KCNMA1: variants seen among roughly 807,000 people sequenced by gnomAD.
KCNMA1 encodes Calcium-activated potassium channel subunit alpha-1.
KCNMA1 carries 29 observed loss-of-function variants against 140.0 expected under a neutral mutation model. That is an observed-to-expected ratio of 0.21 (90% confidence interval 0.15 to 0.28). The LOEUF is 0.28. KCNMA1 is among the 10% of genes least tolerant of loss of function. The pLI, the probability that KCNMA1 is intolerant of heterozygous loss-of-function variation, is 1.00. For synonymous variants in KCNMA1, 612 were observed against 611.9 expected, an observed-to-expected ratio of 1.00 and a Z score of 0.00; for missense variants, 880 against 1,602.2, an observed-to-expected ratio of 0.55 and a Z score of 7.70.
chr10:77,217,763 AC>A (rs1695325146), intron 3 of KCNMA1, among the ~76,000 whole-genome samples: 1 of 152,150 alleles, frequency 6.6e-6, no homozygotes, highest in Non-Finnish European at 1.5e-5. Context: ...TGTGATGGAA[AC>A]TTTTGTAATC....
chr10:77,027,982 G>A, intron 15 of KCNMA1, 91 bp from the exon 16 acceptor site: 2 of 1,158,948 alleles, frequency 1.7e-6, no homozygotes, highest in Non-Finnish European at 2.6e-6. Context: ...GTCTCCTAAT[G>A]CAGTCATTAC....
At chr10:77,546,587 TC>T (rs1415933773) in intron 1 of KCNMA1, among the ~76,000 whole-genome samples, 1 of 152,212 alleles carries the variant, frequency 6.6e-6, no homozygotes, top group Non-Finnish European at 1.5e-5. Flanking sequence ...TCCCCAATAT[TC>T]CCAGACATGT....
chr10:77,207,994 A>G (rs974372083), intron 3 of KCNMA1, among the ~76,000 whole-genome samples: 2 of 152,206 alleles, frequency 1.3e-5, no homozygotes, highest in African/African-American at 4.8e-5. Flanking sequence ...GCTTTGTGTA[A>G]ACTGGCCGCA....
At chr10:77,201,744 C>T (rs1404952952) in intron 3 of KCNMA1, among the ~76,000 whole-genome samples, 2 of 151,806 alleles carry the variant, frequency 1.3e-5, no homozygotes, top group Non-Finnish European at 2.9e-5. Flanking sequence ...TTTCATTGTG[C>T]TGATGGAAGA....
At chr10:77,520,179 G>A (rs371259380) in intron 1 of KCNMA1, among the ~76,000 whole-genome samples, 10 of 23,714 alleles carry the variant, frequency 4.2e-4, no homozygotes, top group South Asian at 1.5e-3. Context: ...GTGAGGGCTG[G>A]GGTATGCAGT....
chr10:77,231,611 T>G (rs1003907814), intron 3 of KCNMA1, among the ~76,000 whole-genome samples: 4 of 152,184 alleles, frequency 2.6e-5, no homozygotes, highest in Admixed American at 6.5e-5. Context: ...TAAGAGTCAC[T>G]CTTGATTCCT....
intron 2 of KCNMA1, among the ~76,000 whole-genome samples, chr10:77,389,313 G>C (rs887172498): frequency 2.0e-5 from 3 of 152,088 alleles, no homozygotes; most frequent in Non-Finnish European, 1.5e-5. Flanking sequence ...ATGTTTCCTC[G>C]ATCCTCAGCC....
intron 1 of KCNMA1, 73 bp downstream of exon 1, chr10:77,637,192 G>C: frequency 7.2e-7 from 1 of 1,392,918 alleles, no homozygotes; most frequent in Non-Finnish European, 9.8e-7. Flanking sequence ...CGCGGAGCGA[G>C]GAGGTGGGCT....
chr10:77,335,562 T>A (rs1286877026), intron 2 of KCNMA1, among the ~76,000 whole-genome samples: 15 of 152,184 alleles, frequency 9.9e-5, no homozygotes, highest in Non-Finnish European at 1.5e-5. Flanking sequence ...GCACCTTTTT[T>A]AAAGGCTCCT....
intron 3 of KCNMA1, among the ~76,000 whole-genome samples, chr10:77,246,573 A>G (rs1323858571): frequency 2.0e-5 from 3 of 152,196 alleles, no homozygotes; most frequent in Admixed American, 6.5e-5. Flanking sequence ...CAATACATCA[A>G]TGGTGCCAGT....
At chr10:77,220,624 C>T (rs909095183) in intron 3 of KCNMA1, among the ~76,000 whole-genome samples, 3 of 152,144 alleles carry the variant, frequency 2.0e-5, no homozygotes, top group Non-Finnish European at 2.9e-5. Context: ...CTTTTCTAGA[C>T]AAAAGGGGAG....
chr10:77,030,830 C>T (rs1196517262), intron 15 of KCNMA1, among the ~76,000 whole-genome samples: 1 of 152,192 alleles, frequency 6.6e-6, no homozygotes, highest in African/African-American at 2.4e-5. Flanking sequence ...CATTCAAATC[C>T]ATACCCAAGC....
chr10:77,083,501 TAAAA>T (rs35527205), intron 12 of KCNMA1, among the ~76,000 whole-genome samples: 1 of 91,384 alleles, frequency 1.1e-5, no homozygotes, highest in South Asian at 3.9e-4. Context: ...AGATGTTCTG[TAAAA>T]AAAAAAAAAA....
chr10:77,478,309 T>C (rs2098320422), intron 1 of KCNMA1, among the ~76,000 whole-genome samples: 1 of 152,204 alleles, frequency 6.6e-6, no homozygotes, highest in South Asian at 2.1e-4. Flanking sequence ...ACCCCTGAAC[T>C]ACTTATTAAA....
rs749085808 is a variant in KCNMA1, at chr10:76,887,401, G to A, written c.3576C>T (p.Ser1192=). 6.2e-7 allele frequency: 1 copy of A among 1,614,166 alleles called. No homozygotes were observed. The highest frequency in any genetic ancestry group is 8.5e-7 in the Non-Finnish European group (1 of 1,180,032). ...AGQSRASLSH[S]SHSSQSSSKK... ...TGCTGGAGGACTGCGACGAGTGGGA[G>A]GAATGGGACAGGCTGGCCCGGGACT... The change falls in exon 28 of 28, where the codon TCC becomes TCT. Residue 1192 remains serine (S), a synonymous_variant. Coordinates refer to ENST00000286628, the MANE Select transcript of KCNMA1 (RefSeq NM_001161352.2).
chr10:77,616,472 G>A (rs2089538725), intron 1 of KCNMA1, among the ~76,000 whole-genome samples: 1 of 152,232 alleles, frequency 6.6e-6, no homozygotes, highest in South Asian at 2.1e-4. Flanking sequence ...ACCCCAGGCA[G>A]CAGGAGGATA....
At chr10:77,593,733 A>G (rs1603637964) in intron 1 of KCNMA1, among the ~76,000 whole-genome samples, 2 of 151,948 alleles carry the variant, frequency 1.3e-5, no homozygotes, top group African/African-American at 4.8e-5. Context: ...GTAGGACTCA[A>G]TGCCTCATCT....
intron 16 of KCNMA1, chr10:77,019,560 T>C (rs142498025): frequency 1.6e-5 from 3 of 183,384 alleles, no homozygotes; most frequent in African/African-American, 7.1e-5. Context: ...AAACATCATG[T>C]ACACACACCA....
chr10:77,266,630 CA>C (rs2063516165), intron 2 of KCNMA1, among the ~76,000 whole-genome samples: 1 of 152,170 alleles, frequency 6.6e-6, no homozygotes, highest in South Asian at 2.1e-4. Flanking sequence ...TCCATTCAGG[CA>C]CAGAAAGATC....
Sources: gnomAD v4.1 joint callset for allele counts (sites outside exome capture counted in the v4.1 genomes callset) on GRCh38, gnomAD v4.1.1 for gene constraint, MANE v1.5 for transcripts, NCBI Gene and HGNC (gene_info 2026-07-23, HGNC 2026-07-21) for gene names.